The following PRDX3 variants were observed in gnomAD, a reference collection of about 807,000 sequenced individuals.
The protein encoded by PRDX3 is thioredoxin-dependent peroxide reductase, mitochondrial.
Under a neutral mutation model 30.4 loss-of-function variants are expected in PRDX3, and 20 were observed. The observed-to-expected ratio is 0.66, with a 90% CI of 0.46 to 0.96. The LOEUF (loss-of-function observed/expected upper bound fraction) is 0.96. PRDX3 is among the 40% of genes least tolerant of loss of function. PRDX3 has a pLI of 0.00. For missense variants in PRDX3, 322 were observed against 318.3 expected, an observed-to-expected ratio of 1.01 and a Z score of -0.09; for synonymous variants, 124 against 117.8, an observed-to-expected ratio of 1.05 and a Z score of -0.34.
intron 6 of PRDX3, among the ~76,000 whole-genome samples, chr10:119,168,965 C>T (rs1031469815): frequency 4.9e-5 from 3 of 61,804 alleles, no homozygotes; most frequent in Non-Finnish European, 7.1e-5. Context: ...AGCAAGACTC[C>T]GTCTCAAAAA....
chr10:119,170,338 G>C (rs1298698648), intron 5 of PRDX3: 1 of 152,196 alleles, frequency 6.6e-6, no homozygotes, highest in African/African-American at 2.4e-5. Flanking sequence ...GCAGCCAGCT[G>C]AAGTCCACCA....
At position 119,174,439 on chromosome 10, in the gene PRDX3, A is replaced by C; in HGVS notation, c.311+12T>G. On this transcript the variant is annotated intron_variant, in intron 3 of 6. Transcript: ENST00000298510. Reference sequence around the variant, plus strand: ...CAGAATGACACGAAAGCATCATAGAAATTACACTTACAAATCCAAAGGATA... The same window carrying C: ...CAGAATGACACGAAAGCATCATAGACATTACACTTACAAATCCAAAGGATA... 1 of 1,591,330 alleles carries C rather than the reference A, an allele frequency of 6.3e-7. No individual in the cohort carries two copies. Among genetic ancestry groups the C allele is most frequent in the South Asian group, 1.2e-5 (1 of 86,944 alleles).
intron 3 of PRDX3, 44 bp downstream of exon 3, chr10:119,174,407 T>G: frequency 6.4e-7 from 1 of 1,561,618 alleles, no homozygotes; most frequent in Non-Finnish European, 8.6e-7. Flanking sequence ...GGATATGTGC[T>G]TGCTCTCAGA....
At chr10:119,178,722 C>T (rs1848106911) in intron 1 of PRDX3, 33 bp downstream of exon 1, 3 of 1,550,834 alleles carry the variant, frequency 1.9e-6, no homozygotes, top group Non-Finnish European at 2.6e-6. Context: ...CCACCAGTGT[C>T]TCCACGCCTG....
At chr10:119,177,262 T>C (rs1442766619) in intron 1 of PRDX3, 109 bp from the exon 2 acceptor site, 6 of 1,083,746 alleles carry the variant, frequency 5.5e-6, no homozygotes, top group Admixed American at 4.0e-5. Flanking sequence ...GTGAACCAAA[T>C]AGCAAACCCC....
intron 1 of PRDX3, among the ~76,000 whole-genome samples, 177 bp downstream of exon 1, chr10:119,178,578 G>T (rs963207945): frequency 6.6e-6 from 1 of 152,254 alleles, no homozygotes; most frequent in Non-Finnish European, 1.5e-5. Context: ...GGGGAAGGGC[G>T]GTTCTGCGCA....
Position 119,173,814 on chromosome 10 carries a change from C to A in PRDX3, c.370G>T (p.Asp124Tyr). The change falls in exon 4 of 7, where the codon GAC becomes TAC. Residue 124 changes from aspartate to tyrosine, a missense_variant. Coordinates refer to ENST00000298510, the MANE Select transcript of PRDX3 (RefSeq NM_006793.5). ...ACTGCGACAACTTCACAGTTCACGTCGTGAAATTCGTTAGCTTTGTCACTA... is the reference window on the plus strand; with the variant it reads ...ACTGCGACAACTTCACAGTTCACGTAGTGAAATTCGTTAGCTTTGTCACTA... ...AFSDKANEFH[D>Y]VNCEVVAVSV... The A allele has an allele frequency of 1.2e-6, 2 of 1,611,838 alleles. No homozygotes were observed. Among genetic ancestry groups the A allele is most frequent in the Non-Finnish European group, 1.7e-6 (2 of 1,178,590 alleles).
In PRDX3 at chr10:119,178,773, T is replaced by G; in HGVS notation, c.18A>C (p.Gly6=). 1.3e-6 allele frequency: 2 copies of G among 1,552,648 alleles called. No individual in the cohort carries two copies. The highest frequency in any genetic ancestry group is 1.2e-5 in the South Asian group (1 of 84,196). ...CACTCACCGACGCTCGGAGCAACCGTCCTACAGCAGCCGCCATCTTCAGTG... is the reference window on the plus strand; with the variant it reads ...CACTCACCGACGCTCGGAGCAACCGGCCTACAGCAGCCGCCATCTTCAGTG... MAAAV[G]RLLRASVARH... Residue 6 remains glycine (G), a synonymous_variant, in exon 1 of 7, where the codon GGA becomes GGC. Transcript: ENST00000298510.
intron 2 of PRDX3, 121 bp downstream of exon 2, chr10:119,176,900 C>T (rs1848041212): frequency 3.8e-5 from 46 of 1,224,738 alleles, no homozygotes; most frequent in Non-Finnish European, 5.0e-5. Context: ...GGGGGCAGTG[C>T]TGTGTTCCTG....
At chr10:119,173,697 C>T in intron 4 of PRDX3, 40 bp downstream of exon 4, 1 of 1,593,452 alleles carries the variant, frequency 6.3e-7, no homozygotes, top group Non-Finnish European at 8.5e-7. Context: ...TTCTTCCAAG[C>T]AAGTTTATAA....
In PRDX3 at chr10:119,168,431, A is replaced by T. The variant is rs1404648941; in HGVS notation, c.*49T>A. Reference sequence around the variant, plus strand: ...CTTGAAAATGATAAAAGCAGGTTTCAACTGTGGTTCTTCTCTCAGTTGAGA... The same window carrying T: ...CTTGAAAATGATAAAAGCAGGTTTCTACTGTGGTTCTTCTCTCAGTTGAGA... On this transcript the variant is annotated 3_prime_UTR_variant, in exon 7 of 7. Transcript: ENST00000298510. The T allele has an allele frequency of 6.2e-7, 1 of 1,609,720 alleles. No individual in the cohort carries two copies. Among genetic ancestry groups the T allele is most frequent in the South Asian group, 1.1e-5 (1 of 90,168 alleles).
intron 2 of PRDX3, 162 bp from the exon 3 acceptor site, chr10:119,174,754 C>T (rs1232226997): frequency 7.8e-6 from 5 of 641,318 alleles, no homozygotes; most frequent in Admixed American, 7.3e-5. Context: ...CCTTTGCCAC[C>T]TGTGGGGGGA....
In PRDX3 at chr10:119,178,746, G is replaced by A. The variant is rs1848107579; in HGVS notation, c.36+9C>T. 3.2e-6 allele frequency: 5 copies of A among 1,551,668 alleles called. No individual in the cohort carries two copies. In the African/African-American group the frequency reaches 5.5e-5, roughly 17 times the overall value. Reference sequence around the variant, plus strand: ...TCTCCACGCCTGTCCCCAGCCGACAGCCACTCACCGACGCTCGGAGCAACC... The same window carrying A: ...TCTCCACGCCTGTCCCCAGCCGACAACCACTCACCGACGCTCGGAGCAACC... On this transcript the variant is annotated intron_variant, in intron 1 of 6. Transcript: ENST00000298510.
chr10:119,168,422 G>T lies in PRDX3; in HGVS notation c.*58C>A. 6.2e-7 allele frequency: 1 copy of T among 1,607,192 alleles called. No homozygotes were observed. The highest frequency in any genetic ancestry group is 8.5e-7 in the Non-Finnish European group (1 of 1,178,640). ...AATAACCATCTTGAAAATGATAAAAGCAGGTTTCAACTGTGGTTCTTCTCT... is the reference window on the plus strand; with the variant it reads ...AATAACCATCTTGAAAATGATAAAATCAGGTTTCAACTGTGGTTCTTCTCT... On this transcript the variant is annotated 3_prime_UTR_variant, in exon 7 of 7. Transcript: ENST00000298510.
chr10:119,172,344 G>C (rs1847924549), intron 5 of PRDX3, 38 bp downstream of exon 5: 1 of 1,506,558 alleles, frequency 6.6e-7, no homozygotes, highest in South Asian at 1.1e-5. Flanking sequence ...TACTAAACAT[G>C]AAAAATAATC....
intron 2 of PRDX3, among the ~76,000 whole-genome samples, chr10:119,175,762 T>C (rs905905547): frequency 7.4e-6 from 1 of 135,822 alleles, no homozygotes. Flanking sequence ...GGGGGAGACA[T>C]GTTAGGAGGT....
intron 1 of PRDX3, among the ~76,000 whole-genome samples, chr10:119,178,518 G>T (rs1159443564): frequency 6.6e-5 from 10 of 152,246 alleles, no homozygotes; most frequent in Admixed American, 2.6e-4. Context: ...CCTGGGGACC[G>T]GGGACGCCGA....
chr10:119,173,166 C>T (rs973211455), intron 4 of PRDX3, among the ~76,000 whole-genome samples: 17 of 152,268 alleles, frequency 1.1e-4, no homozygotes, highest in Non-Finnish European at 2.1e-4. Context: ...TCTCGATCTC[C>T]TGACTTTGTG....
chr10:119,178,636 G>A, intron 1 of PRDX3, 119 bp downstream of exon 1: 1 of 1,293,778 alleles, frequency 7.7e-7, no homozygotes. Context: ...CGTTACCCGC[G>A]GAAACCCTCC....
Sources: gnomAD v4.1 joint callset for allele counts (sites outside exome capture counted in the v4.1 genomes callset) on GRCh38, gnomAD v4.1.1 for gene constraint, MANE v1.5 for transcripts, NCBI Gene and HGNC (gene_info 2026-07-23, HGNC 2026-07-21) for gene names.